Variants in TMEM131 observed in about 807,000 individuals in gnomAD.
TMEM131 encodes the protein transmembrane protein 131, also known as 2610524E03Rik.
In TMEM131, 66 loss-of-function variants were observed where a neutral mutation model predicts 211.6. That is an observed-to-expected ratio of 0.31 (90% CI 0.26 to 0.38). The LOEUF (loss-of-function observed/expected upper bound fraction) is 0.38, where lower values mean the gene tolerates loss of function less well. Among genes scored for constraint, TMEM131 ranks in the 10% least tolerant of loss-of-function variants. The pLI, the probability that TMEM131 is intolerant of heterozygous loss-of-function variation, is 1.00. For missense variants in TMEM131, 2,036 were observed against 2,299.3 expected, an observed-to-expected ratio of 0.89 and a Z score of 2.34; for synonymous variants, 844 against 841.3, an observed-to-expected ratio of 1.00 and a Z score of -0.06.
chr2:97,971,859 C>A (rs548070687), intron 1 of TMEM131, among the ~76,000 whole-genome samples: 1 of 151,670 alleles, frequency 6.6e-6, no homozygotes, highest in East Asian at 2.0e-4. Context: ...AAGACCCTGT[C>A]TTAAAAAAAT....
At chr2:97,783,186 A>C (rs1356982839) in intron 31 of TMEM131, among the ~76,000 whole-genome samples, 1 of 152,132 alleles carries the variant, frequency 6.6e-6, no homozygotes, top group Non-Finnish European at 1.5e-5. Context: ...ACTCAAAGAA[A>C]ACAAGTGTCA....
intron 11 of TMEM131, among the ~76,000 whole-genome samples, chr2:97,825,186 A>G (rs1015819026): frequency 1.3e-5 from 2 of 152,190 alleles, no homozygotes; most frequent in Non-Finnish European, 2.9e-5. Context: ...GATCTAGGCC[A>G]CTTCTCAAGT....
intron 7 of TMEM131, among the ~76,000 whole-genome samples, chr2:97,838,342 C>A (rs149818455): frequency 6.7e-6 from 1 of 149,256 alleles, no homozygotes; most frequent in Non-Finnish European, 1.5e-5. Flanking sequence ...TGGGTGGAAA[C>A]GTTCACTTGT....
At chr2:97,784,503 A>G (rs950080443) in intron 31 of TMEM131, among the ~76,000 whole-genome samples, 3 of 152,084 alleles carry the variant, frequency 2.0e-5, no homozygotes, top group Non-Finnish European at 4.4e-5. Flanking sequence ...ACACTTCTAA[A>G]TTATTCATGG....
intron 1 of TMEM131, among the ~76,000 whole-genome samples, chr2:97,961,915 T>A (rs1343983715): frequency 6.6e-6 from 1 of 152,182 alleles, no homozygotes; most frequent in Non-Finnish European, 1.5e-5. Flanking sequence ...TGTGTTCTAT[T>A]CCCTATTGCA....
intron 1 of TMEM131, among the ~76,000 whole-genome samples, chr2:97,935,279 T>A (rs1485245259): frequency 6.6e-6 from 1 of 152,162 alleles, no homozygotes; most frequent in Non-Finnish European, 1.5e-5. Context: ...CCCATTCCTA[T>A]CAAAAGATCA....
At chr2:97,944,989 G>A (rs941198269) in intron 1 of TMEM131, among the ~76,000 whole-genome samples, 4 of 152,072 alleles carry the variant, frequency 2.6e-5, no homozygotes, top group Non-Finnish European at 5.9e-5. Context: ...AAATACTTGT[G>A]CAAACAAAAA....
chr2:97,818,466 GGGGGGGC>G (rs1381004199), intron 12 of TMEM131, 140 bp downstream of exon 12: 3,735 of 299,328 alleles, frequency 0.012, 25 homozygotes, highest in Non-Finnish European at 0.014. Flanking sequence ...TTTACAGCGG[GGGGGGGC>G]GGGGGGGGAT....
chr2:97,944,493 G>T (rs1167885583), intron 1 of TMEM131, among the ~76,000 whole-genome samples: 1 of 152,158 alleles, frequency 6.6e-6, no homozygotes, highest in Middle Eastern at 3.2e-3. Context: ...AAAACAGTTT[G>T]TGCTTCAAAG....
intron 3 of TMEM131, among the ~76,000 whole-genome samples, chr2:97,892,527 A>G (rs1404189504): frequency 6.6e-6 from 1 of 151,938 alleles, no homozygotes; most frequent in African/African-American, 2.4e-5. Flanking sequence ...CAACTAGCTA[A>G]TTTATTATTA....
chr2:97,898,907 T>C (rs139086005), intron 3 of TMEM131, among the ~76,000 whole-genome samples: 183 of 152,304 alleles, frequency 1.2e-3, no homozygotes, highest in African/African-American at 4.2e-3. Flanking sequence ...ATAATCTATA[T>C]AATCTGCTCT....
intron 39 of TMEM131, 159 bp from the exon 40 acceptor site, chr2:97,759,212 G>A: frequency 3.5e-6 from 3 of 850,354 alleles, no homozygotes; most frequent in South Asian, 1.6e-5. Context: ...AGGGGCAGGA[G>A]TGTCCTCCAG....
At chr2:97,993,250 T>C (rs2104690565) in intron 1 of TMEM131, among the ~76,000 whole-genome samples, 1 of 152,332 alleles carries the variant, frequency 6.6e-6, no homozygotes, top group South Asian at 2.1e-4. Context: ...TTTATGCTAC[T>C]TCAATAGACA....
intron 1 of TMEM131, among the ~76,000 whole-genome samples, chr2:97,967,021 A>AAAAC (rs140987291): frequency 0.026 from 3,930 of 152,004 alleles, 115 homozygotes; most frequent in African/African-American, 0.071. Flanking sequence ...CCCACCACCT[A>AAAAC]AAACAAACAA....
intron 3 of TMEM131, among the ~76,000 whole-genome samples, chr2:97,901,709 T>C (rs1178940258): frequency 6.6e-6 from 1 of 152,110 alleles, no homozygotes; most frequent in African/African-American, 2.4e-5. Flanking sequence ...TGTTCTGACT[T>C]ATAGAAGGGA....
chr2:97,858,652 G>A (rs1243141526), intron 5 of TMEM131, among the ~76,000 whole-genome samples: 2 of 152,192 alleles, frequency 1.3e-5, no homozygotes. Context: ...ACACCAGAGA[G>A]GTACAAAGTG....
rs1024847855 is a variant in TMEM131 at position 97,995,736 on chromosome 2, C to T, written c.-74G>A. On this transcript the variant is annotated 5_prime_UTR_variant, in exon 1 of 41. Coordinates refer to ENST00000186436, the MANE Select transcript of TMEM131 (RefSeq NM_015348.2). ...CGGCGAGGCGGCGGCGGCGCGGAAG[C>T]CGTGGTCCGGGCTCTGGCCGCGGCG... The T allele has an allele frequency of 1.8e-6, 2 of 1,103,300 alleles. No individual in the cohort carries two copies. Among genetic ancestry groups the T allele is most frequent in the Non-Finnish European group, 2.2e-6 (2 of 893,622 alleles). 68.3% of individuals were successfully genotyped at this position (1,103,300 alleles called of 1,614,324 possible).
chr2:97,805,728 A>T (rs751602791), intron 19 of TMEM131, 25 bp from the exon 20 acceptor site: 1 of 1,567,782 alleles, frequency 6.4e-7, no homozygotes, highest in African/African-American at 1.4e-5. Flanking sequence ...CAAAGAACAA[A>T]CTCATTTGTA....
At chr2:97,844,287 T>C (rs1321605909) in intron 5 of TMEM131, 26 bp from the exon 6 acceptor site, 2 of 917,194 alleles carry the variant, frequency 2.2e-6, no homozygotes. Context: ...AAGTTAAATT[T>C]GTAACAAGAA....
Sources: gnomAD v4.1 joint callset for allele counts (sites outside exome capture counted in the v4.1 genomes callset) on GRCh38, gnomAD v4.1.1 for gene constraint, MANE v1.5 for transcripts, NCBI Gene and HGNC (gene_info 2026-07-23, HGNC 2026-07-21) for gene names.